PHC2: variants seen among roughly 807,000 people sequenced by gnomAD.
The protein encoded by PHC2 is polyhomeotic-like protein 2.
Under a neutral mutation model 87.4 loss-of-function variants are expected in PHC2, and 29 were observed. The ratio of observed to expected loss-of-function variants is 0.33; its 90% CI spans 0.25 to 0.45. The LOEUF (loss-of-function observed/expected upper bound fraction) is 0.45. Ranked by LOEUF, PHC2 falls within the 20% of genes least tolerant of loss-of-function variation. PHC2 has a pLI of 1.00. For missense variants in PHC2, 857 were observed against 1,136.7 expected (o/e 0.75, Z 3.54); for synonymous variants, 438 against 461.7 (o/e 0.95, Z 0.66).
intron 1 of PHC2, among the ~76,000 whole-genome samples, chr1:33,404,996 G>C (rs1251742718): frequency 6.6e-6 from 1 of 152,156 alleles, no homozygotes; most frequent in Non-Finnish European, 1.5e-5. Flanking sequence ...TATAAAATGA[G>C]ATGAATGTAT....
At chr1:33,348,273 G>T (rs1646883136) in intron 9 of PHC2, among the ~76,000 whole-genome samples, 1 of 149,466 alleles carries the variant, frequency 6.7e-6, no homozygotes, top group Non-Finnish European at 1.5e-5. Flanking sequence ...CCCTGTACCA[G>T]AATAAAAGAT....
chr1:33,342,236 C>G (rs1304656713), intron 9 of PHC2, among the ~76,000 whole-genome samples: 1 of 152,208 alleles, frequency 6.6e-6, no homozygotes, highest in African/African-American at 2.4e-5. Context: ...CTTGCTGGGT[C>G]TGGGTTGAAA....
In PHC2 at chr1:33,334,262, G is replaced by T. The variant is rs372578094; in HGVS notation, c.1589C>A (p.Thr530Asn). The T allele has an allele frequency of 6.2e-7, 1 of 1,612,198 alleles. No individual in the cohort carries two copies. Among genetic ancestry groups the T allele is most frequent in the South Asian group, 1.1e-5 (1 of 90,878 alleles). Residue 530 changes from threonine to asparagine, a missense_variant, in exon 10 of 15, where the codon ACC (threonine) becomes AAC (asparagine). Transcript: ENST00000683057. The surrounding 1 kb of genome is among the most constrained non-coding windows in gnomAD (Gnocchi z 5.5). ...GGTCATGCCGGGGCTGCTGAGGTCG[G>T]TCAGTGCATGAACAATGCCCTGCCC... is the stretch of plus-strand genomic sequence containing the variant. ...ETGQGIVHAL[T>N]DLSSPGMTSG...
intron 9 of PHC2, among the ~76,000 whole-genome samples, chr1:33,351,336 T>G (rs903219948): frequency 7.9e-5 from 12 of 152,238 alleles, no homozygotes; most frequent in African/African-American, 2.9e-4. Flanking sequence ...GCTTGCGAGC[T>G]GTACGAACAC....
intron 1 of PHC2, among the ~76,000 whole-genome samples, chr1:33,380,030 G>A (rs767280548): frequency 6.6e-6 from 1 of 152,090 alleles, no homozygotes; most frequent in Non-Finnish European, 1.5e-5. Flanking sequence ...CTTACTTCTT[G>A]GATAGTGCAT....
intron 1 of PHC2, among the ~76,000 whole-genome samples, chr1:33,407,475 A>G (rs1198567548): frequency 1.3e-5 from 2 of 152,214 alleles, no homozygotes; most frequent in African/African-American, 2.4e-5. Flanking sequence ...CTATGTCAAA[A>G]GTTTGAGGTT....
At chr1:33,343,262 ACCAT>A (rs1646779554) in intron 9 of PHC2, among the ~76,000 whole-genome samples, 4 of 151,944 alleles carry the variant, frequency 2.6e-5, no homozygotes. Flanking sequence ...AGAGATTGAG[ACCAT>A]CCTGGTCAAC....
In PHC2 at chr1:33,377,088, G is replaced by A. The variant is rs990689268; in HGVS notation, c.-54-1495C>T. Among the ~76,000 whole-genome samples, 4 of 152,202 alleles carry A rather than the reference G, an allele frequency of 2.6e-5. No individual in the cohort carries two copies. In the South Asian group the frequency reaches 8.3e-4, roughly 31 times the overall value. ...CAATCTGGTTAAAATCTCAGGTTGTGGAATCAGAAAGACTTGGCTTTGTCC... is the reference window on the plus strand; with the variant it reads ...CAATCTGGTTAAAATCTCAGGTTGTAGAATCAGAAAGACTTGGCTTTGTCC... On this transcript the variant is annotated intron_variant, in intron 1 of 14. Transcript: ENST00000683057.
At chr1:33,410,400 C>T (rs907393284) in intron 1 of PHC2, among the ~76,000 whole-genome samples, 9 of 152,168 alleles carry the variant, frequency 5.9e-5, no homozygotes, top group Admixed American at 2.6e-4. Context: ...TAAGAACAGC[C>T]GCTGAATGGA....
Position 33,328,937 on chromosome 1 carries a change from G to A in PHC2, c.2358C>T (p.His786=). ...HMRDLVGMGH[H]FLPSEPTKWN... is the part of the protein sequence containing the mutation. ...ACTTGGTGGGCTCACTTGGCAGGAA[G>A]TGGTGTCCCATGCCCACCAGGTCCC... The change falls in exon 14 of 15, where the codon CAC becomes CAT. Residue 786 remains histidine (H), a synonymous_variant. Coordinates refer to ENST00000683057, the MANE Select transcript of PHC2 (RefSeq NM_001385109.1). The A allele has an allele frequency of 6.2e-7, 1 of 1,614,052 alleles. No homozygotes were observed. Among genetic ancestry groups the A allele is most frequent in the Non-Finnish European group, 8.5e-7 (1 of 1,179,894 alleles).
Position 33,332,556 on chromosome 1 carries a change from C to T in PHC2, c.1762-152G>A. 1.1e-6 allele frequency: 1 copy of T among 911,672 alleles called. No homozygotes were observed. The allele number at this position is 911,672 out of a possible 1,614,324, so 56.5% of individuals were successfully genotyped here. A position where few individuals can be genotyped will look rare whatever the true frequency, so the allele number is the denominator to read the frequency against. ...CATGTCATCATCCAAGTGTGCTGGG[C>T]TCAAGGCCCTATTTTGCTGGTTGGC... is the stretch of plus-strand genomic sequence containing the variant. On this transcript the variant is annotated intron_variant, in intron 10 of 14. Transcript: ENST00000683057. This position sits in a 1 kb window ranked among gnomAD's most constrained non-coding sequence, Gnocchi z 4.2.
In PHC2 at chr1:33,335,101, C is replaced by G. The variant is rs1218100039; in HGVS notation, c.1559-809G>C. 4 of 675,692 alleles carry G rather than the reference C, an allele frequency of 5.9e-6. No homozygotes were observed. The South Asian group carries it at 2.6e-4, about 44-fold the overall frequency. The allele number at this position is 675,692 out of a possible 1,614,324, so 41.9% of individuals were successfully genotyped here. A position where few individuals can be genotyped will look rare whatever the true frequency, so the allele number is the denominator to read the frequency against. ...GACAACCTTTCCTAATTCTCCTTCC[C>G]CATGGGCCTGCTAGCCTTCCTCTAA... On this transcript the variant is annotated intron_variant, in intron 9 of 14. Coordinates refer to ENST00000683057, the MANE Select transcript of PHC2 (RefSeq NM_001385109.1).
chr1:33,355,039 T>G lies in PHC2; in HGVS notation c.1191A>C (p.Pro397=). The change falls in exon 8 of 15, where the codon CCA becomes CCC. Residue 397 remains proline (P), a synonymous_variant. Coordinates refer to ENST00000683057, the MANE Select transcript of PHC2 (RefSeq NM_001385109.1). ...GCAGGGCGGGTGTAACCGGGCCTAG[T>G]GGCATGGCATGGGCCTCTGAGCTGG... ...LQPSSEAHAM[P]LGPVTPALPL... is the part of the protein sequence containing the mutation. The G allele has an allele frequency of 1.2e-6, 2 of 1,613,650 alleles. No homozygotes were observed. Among genetic ancestry groups the G allele is most frequent in the Non-Finnish European group, 1.7e-6 (2 of 1,179,962 alleles).
chr1:33,401,530 G>T (rs949133836), intron 1 of PHC2, among the ~76,000 whole-genome samples: 2 of 152,108 alleles, frequency 1.3e-5, no homozygotes, highest in East Asian at 1.9e-4. Context: ...TACCAACTCC[G>T]CATTTTAGTG....
chr1:33,430,240 T>C (rs1650849328), intron 1 of PHC2, among the ~76,000 whole-genome samples: 3 of 152,156 alleles, frequency 2.0e-5, no homozygotes, highest in South Asian at 4.1e-4. Flanking sequence ...GCAGCGACCT[T>C]TTCCCATGGG....
Position 33,349,347 on chromosome 1 carries a change from G to A in PHC2, c.1558+5054C>T, listed in dbSNP as rs1258423277. ...TGGGGTGTGCGGGGCCTGGGGACGC[G>A]GAAGCTGCGGCGCGCCGAGGTGACA... is the stretch of plus-strand genomic sequence containing the variant. On this transcript the variant is annotated intron_variant, in intron 9 of 14. Coordinates refer to ENST00000683057, the MANE Select transcript of PHC2 (RefSeq NM_001385109.1). This position sits in a 1 kb window ranked among gnomAD's most constrained non-coding sequence, Gnocchi z 4.2. 1.3e-5 allele frequency: 13 copies of A among 985,352 alleles called. No individual in the cohort carries two copies. The highest frequency in any genetic ancestry group is 4.7e-5 in the South Asian group (1 of 21,298). 61.0% of individuals were successfully genotyped at this position (985,352 alleles called of 1,614,324 possible). A position where few individuals can be genotyped will look rare whatever the true frequency, so the allele number is the denominator to read the frequency against.
At position 33,330,175 on chromosome 1, in the gene PHC2, G is replaced by A; in HGVS notation, c.2044C>T (p.His682Tyr). Residue 682 changes from histidine (H) to tyrosine (Y), a missense_variant, in exon 13 of 15, where the codon CAC becomes TAC. His to Tyr is a moderately conservative substitution (Grantham distance 83). Transcript: ENST00000683057. ...VGCTKRVGLF[H>Y]SDRSKLQKAG... ...TTCTGCAGCTTGCTCCGGTCTGAGT[G>A]GAAAAGTCCCACCCGTTTGGTGCAT... The A allele has an allele frequency of 6.2e-7, 1 of 1,614,174 alleles. No individual in the cohort carries two copies.
chr1:33,373,527 G>A (rs908052578), intron 2 of PHC2, among the ~76,000 whole-genome samples: 2 of 151,886 alleles, frequency 1.3e-5, no homozygotes, highest in African/African-American at 2.4e-5. Context: ...GATGGGATTG[G>A]CCAATCTCCT....
Position 33,331,999 on chromosome 1 carries a change from A to T in PHC2, c.1891+276T>A, listed in dbSNP as rs1056898553. Among the ~76,000 whole-genome samples the T allele has an allele frequency of 6.6e-6, 1 of 152,234 alleles. No homozygotes were observed. The highest frequency in any genetic ancestry group is 2.4e-5 in the African/African-American group (1 of 41,466). ...AGGACTTGCCTGGGGCCACTCCTAC[A>T]GTCATGCCTAAAACTTGCCAATGAT... On this transcript the variant is annotated intron_variant, in intron 11 of 14. Coordinates refer to ENST00000683057, the MANE Select transcript of PHC2 (RefSeq NM_001385109.1). This position sits in a 1 kb window ranked among gnomAD's most constrained non-coding sequence, Gnocchi z 5.2.
Sources: allele counts gnomAD v4.1 joint callset (sites outside exome capture counted in the v4.1 genomes callset), GRCh38; gene constraint gnomAD v4.1.1; non-coding constraint Gnocchi (gnomAD v3.1); transcripts MANE v1.5; gene names NCBI Gene and HGNC (gene_info 2026-07-23, HGNC 2026-07-21).